IQCM: variants seen among roughly 807,000 people sequenced by gnomAD.
IQCM encodes IQ motif containing M.
A neutral mutation model predicts 57.6 loss-of-function variants in IQCM; 45 were observed. That is an observed-to-expected ratio of 0.78 (90% CI 0.62 to 1.00). The LOEUF is 1.00. IQCM is among the 50% of genes least tolerant of loss of function. The pLI, the probability that IQCM is intolerant of heterozygous loss-of-function variation, is 0.00. For synonymous variants in IQCM, 148 were observed against 158.9 expected (o/e 0.93, Z 0.51); for missense variants, 468 against 511.6 (o/e 0.91, Z 0.82).
chr4:149,775,365 GTAAA>G lies in IQCM; in HGVS notation c.-48-32630_-48-32627del, dbSNP rs558851589. The stretch of plus-strand genomic sequence containing the variant: ...TTTAAGATTTACAAAAGGGAATCCA[GTAAA>G]TACTTAGCAAAGCATTCATTGCAGT... On this transcript the variant is annotated intron_variant, in intron 2 of 13. Transcript: ENST00000636793. Among the ~76,000 whole-genome samples the G allele has an allele frequency of 4.5e-3, 673 of 150,466 alleles. 4 individuals are homozygous for G. Among genetic ancestry groups the G allele is most frequent in the African/African-American group, 0.016 (641 of 41,144 alleles).
chr4:149,418,242 T>TA (rs1477665666), intron 13 of IQCM, among the ~76,000 whole-genome samples: 3 of 146,286 alleles, frequency 2.1e-5, no homozygotes, highest in South Asian at 4.3e-4. Flanking sequence ...ATAGACACAA[T>TA]AAAAAAAGAT....
At position 149,366,052 on chromosome 4, in the gene IQCM, A is replaced by G. The variant is rs551160732; in HGVS notation, c.1391-13986T>C. 1.1e-4 allele frequency among the ~76,000 whole-genome samples: 16 copies of G among 152,188 alleles called. No individual in the cohort carries two copies. In the East Asian group the frequency reaches 3.1e-3, roughly 29 times the overall value. On this transcript the variant is annotated intron_variant, in intron 13 of 13. Transcript: ENST00000636793. The stretch of plus-strand genomic sequence containing the variant: ...TGTTAATAGGAGAAGTAGGGGAGGG[A>G]ATTCTGTATTATCTTTGTAAGTCTT...
intron 12 of IQCM, among the ~76,000 whole-genome samples, chr4:149,521,023 A>T (rs1004006565): frequency 2.6e-5 from 4 of 152,164 alleles, no homozygotes; most frequent in Non-Finnish European, 4.4e-5. Context: ...AAAACAGGAC[A>T]GCTAGCTAAC....
intron 8 of IQCM, among the ~76,000 whole-genome samples, chr4:149,601,055 A>C (rs979256155): frequency 1.3e-5 from 2 of 152,182 alleles, no homozygotes. Context: ...TCAGGAAAAA[A>C]ATTACCTCGT....
intron 5 of IQCM, among the ~76,000 whole-genome samples, chr4:149,704,838 A>G (rs1259886140): frequency 1.3e-5 from 2 of 151,914 alleles, no homozygotes; most frequent in Non-Finnish European, 2.9e-5. Flanking sequence ...ATGAACATGG[A>G]TAGGCAACTT....
intron 13 of IQCM, among the ~76,000 whole-genome samples, chr4:149,359,971 T>C (rs185603406): frequency 6.6e-6 from 1 of 152,120 alleles, no homozygotes; most frequent in Non-Finnish European, 1.5e-5. Context: ...AGCTGAGAGC[T>C]TTCTGGGTCT....
chr4:149,809,423 G>A (rs1774360567), intron 2 of IQCM, among the ~76,000 whole-genome samples: 1 of 151,980 alleles, frequency 6.6e-6, no homozygotes, highest in Admixed American at 6.6e-5. Flanking sequence ...AACCAAGTGG[G>A]TTTTTTGTTT....
intron 2 of IQCM, among the ~76,000 whole-genome samples, chr4:149,776,383 C>T (rs926600770): frequency 6.6e-5 from 10 of 152,106 alleles, no homozygotes; most frequent in Non-Finnish European, 1.5e-4. Context: ...AATCTAAGGT[C>T]ACATAGCTAA....
intron 13 of IQCM, among the ~76,000 whole-genome samples, chr4:149,377,215 G>GA (rs1473281784): frequency 5.3e-5 from 8 of 151,850 alleles, no homozygotes; most frequent in Admixed American, 1.3e-4. Flanking sequence ...TTAACATTCT[G>GA]AAAAAAAATT....
chr4:149,602,953 G>C (rs1174563107), intron 8 of IQCM, among the ~76,000 whole-genome samples: 1 of 151,924 alleles, frequency 6.6e-6, no homozygotes, highest in Non-Finnish European at 1.5e-5. Context: ...AGTAGGAGAG[G>C]TACCAAAAAT....
intron 13 of IQCM, among the ~76,000 whole-genome samples, chr4:149,397,611 G>A (rs941244760): frequency 1.3e-5 from 2 of 151,994 alleles, no homozygotes; most frequent in East Asian, 3.9e-4. Flanking sequence ...ATACAGAACT[G>A]TGAGTCAATT....
intron 12 of IQCM, among the ~76,000 whole-genome samples, chr4:149,437,514 C>T (rs1213968888): frequency 6.6e-6 from 1 of 151,920 alleles, no homozygotes; most frequent in African/African-American, 2.4e-5. Flanking sequence ...GTAAGTGAGG[C>T]TCGTTATGCT....
chr4:149,682,605 T>C (rs1399252006), intron 6 of IQCM, among the ~76,000 whole-genome samples: 1 of 147,830 alleles, frequency 6.8e-6, no homozygotes, highest in Non-Finnish European at 1.5e-5. Flanking sequence ...CATAGAAACT[T>C]TGGAAAATGT....
At chr4:149,568,907 T>G (rs1224732953) in intron 9 of IQCM, among the ~76,000 whole-genome samples, 1 of 152,158 alleles carries the variant, frequency 6.6e-6, no homozygotes, top group Non-Finnish European at 1.5e-5. Context: ...GCCCTACTCA[T>G]CAAGAGGTGG....
In IQCM at chr4:149,368,841, T is replaced by TAC. The variant is rs1371576267; in HGVS notation, c.1391-16777_1391-16776dup. 1.7e-4 allele frequency among the ~76,000 whole-genome samples: 14 copies of TAC among 80,482 alleles called. 3 individuals carry two copies. The highest frequency in any genetic ancestry group is 1.2e-3 in the South Asian group (3 of 2,458). The allele number at this position is 80,482 out of a possible 152,430, so 52.8% of individuals were successfully genotyped here. A position where few individuals can be genotyped will look rare whatever the true frequency, so the allele number is the denominator to read the frequency against. On this transcript the variant is annotated intron_variant, in intron 13 of 13. Transcript: ENST00000636793. Reference sequence around the variant, plus strand: ...ATACATATATATACATGTATATATATACATATATATACATGTATATATATA... The same window carrying TAC: ...ATACATATATATACATGTATATATATACACATATATATACATGTATATATATA...
At chr4:149,609,625 G>T (rs1418025911) in intron 8 of IQCM, among the ~76,000 whole-genome samples, 1 of 151,746 alleles carries the variant, frequency 6.6e-6, no homozygotes, top group African/African-American at 2.4e-5. Context: ...ACAGAATGAA[G>T]GACAAAAATC....
intron 10 of IQCM, among the ~76,000 whole-genome samples, chr4:149,554,397 A>T (rs528966324): frequency 4.0e-5 from 6 of 151,144 alleles, no homozygotes; most frequent in African/African-American, 1.5e-4. Flanking sequence ...GCTGGAGTGC[A>T]CCTCTGCCTC....
intron 9 of IQCM, among the ~76,000 whole-genome samples, chr4:149,576,190 T>C (rs1305050911): frequency 6.6e-6 from 1 of 151,796 alleles, no homozygotes; most frequent in African/African-American, 2.4e-5. Flanking sequence ...GTGCAGGATT[T>C]TTTATGGGTA....
intron 13 of IQCM, among the ~76,000 whole-genome samples, chr4:149,377,157 T>C (rs1280316788): frequency 6.6e-6 from 1 of 152,178 alleles, no homozygotes; most frequent in Non-Finnish European, 1.5e-5. Flanking sequence ...AAAAAGTATA[T>C]TTTTAATATA....
Sources: gnomAD v4.1 joint callset for allele counts (sites outside exome capture counted in the v4.1 genomes callset) on GRCh38, gnomAD v4.1.1 for gene constraint, MANE v1.5 for transcripts, NCBI Gene and HGNC (gene_info 2026-07-23, HGNC 2026-07-21) for gene names.